Variants in ZSWIM6 observed in about 807,000 individuals in gnomAD.
ZSWIM6 encodes zinc finger SWIM-type containing 6.
A neutral mutation model predicts 113.2 loss-of-function variants in ZSWIM6; 9 were observed. The ratio of observed to expected loss-of-function variants is 0.08; its 90% CI spans 0.05 to 0.14. The LOEUF (loss-of-function observed/expected upper bound fraction) is 0.14, where lower values mean the gene tolerates loss of function less well. ZSWIM6 is among the 10% of genes least tolerant of loss of function. The probability of loss-of-function intolerance (pLI) is 1.00; values close to 1 mark genes in which losing one functional copy is unlikely to be tolerated. For missense variants in ZSWIM6, 1,162 were observed against 1,552.2 expected (o/e 0.75, Z 4.22); for synonymous variants, 611 against 606.5 (o/e 1.01, Z -0.11).
intron 1 of ZSWIM6, among the ~76,000 whole-genome samples, chr5:61,369,266 A>C (rs914434245): frequency 6.6e-6 from 1 of 152,226 alleles, no homozygotes; most frequent in Admixed American, 6.5e-5. Flanking sequence ...AATTTATCTT[A>C]TATAACATTT....
At chr5:61,459,646 A>G (rs1348645828) in intron 1 of ZSWIM6, among the ~76,000 whole-genome samples, 1 of 152,196 alleles carries the variant, frequency 6.6e-6, no homozygotes, top group Non-Finnish European at 1.5e-5. Flanking sequence ...TTCAGATTTC[A>G]TTTAACCTTG....
intron 10 of ZSWIM6, 95 bp downstream of exon 10, chr5:61,535,714 C>T: frequency 7.0e-7 from 1 of 1,433,468 alleles, no homozygotes. Context: ...TTCTTATAGG[C>T]AGCAGAAAAG....
chr5:61,444,455 A>G (rs1034532254), intron 1 of ZSWIM6, among the ~76,000 whole-genome samples: 10 of 152,164 alleles, frequency 6.6e-5, no homozygotes, highest in Non-Finnish European at 8.8e-5. Flanking sequence ...TCCTTTGGGT[A>G]TATACCCAGT....
intron 1 of ZSWIM6, among the ~76,000 whole-genome samples, chr5:61,371,777 A>T (rs1745268647): frequency 6.6e-6 from 1 of 152,228 alleles, no homozygotes. Context: ...TCATGTACTC[A>T]TCAGTTTCCT....
chr5:61,424,236 GTGTT>G (rs1453521189), intron 1 of ZSWIM6, among the ~76,000 whole-genome samples: 3 of 152,216 alleles, frequency 2.0e-5, no homozygotes, highest in Non-Finnish European at 4.4e-5. Context: ...AACTGCCTAA[GTGTT>G]TGAGGTGAGG....
At chr5:61,363,853 T>TTTCC (rs527955472) in intron 1 of ZSWIM6, among the ~76,000 whole-genome samples, 2,877 of 148,524 alleles carry the variant, frequency 0.019, 95 homozygotes, top group African/African-American at 0.064. Flanking sequence ...TCCCTTTCCT[T>TTTCC]TTCCTTCCTT....
intron 1 of ZSWIM6, among the ~76,000 whole-genome samples, chr5:61,388,531 T>C (rs1745638404): frequency 6.6e-6 from 1 of 152,234 alleles, no homozygotes; most frequent in Admixed American, 6.5e-5. Flanking sequence ...TAAAAAACCT[T>C]GAAAAGACTT....
chr5:61,540,869 A>T (rs1749708890), intron 12 of ZSWIM6, among the ~76,000 whole-genome samples: 1 of 150,970 alleles, frequency 6.6e-6, no homozygotes, highest in Non-Finnish European at 1.5e-5. Context: ...CCTAAAAAGG[A>T]ATCCCACAGG....
At chr5:61,349,798 G>GT (rs1744743350) in intron 1 of ZSWIM6, among the ~76,000 whole-genome samples, 1 of 152,126 alleles carries the variant, frequency 6.6e-6, no homozygotes, top group African/African-American at 2.4e-5. Context: ...AAATGCCTTT[G>GT]TGGGATTAAG....
At position 61,349,320 on chromosome 5, in the gene ZSWIM6, C is replaced by T. The variant is rs553113956; in HGVS notation, c.676+16372C>T. Among the ~76,000 whole-genome samples, 61 of 152,256 alleles carry T rather than the reference C, an allele frequency of 4.0e-4. No homozygotes were observed. In the South Asian group the frequency reaches 0.012, roughly 31 times the overall value. On this transcript the variant is annotated intron_variant, in intron 1 of 13. Coordinates refer to ENST00000252744, the MANE Select transcript of ZSWIM6 (RefSeq NM_020928.2). ...CTAGAACAGCCAACTACTGTATTAACAGTGCCAGTGCATTATATGCATAGT... is the reference window on the plus strand; with the variant it reads ...CTAGAACAGCCAACTACTGTATTAATAGTGCCAGTGCATTATATGCATAGT...
intron 1 of ZSWIM6, among the ~76,000 whole-genome samples, chr5:61,383,577 C>T (rs1404057513): frequency 6.6e-6 from 1 of 151,840 alleles, no homozygotes; most frequent in Non-Finnish European, 1.5e-5. Flanking sequence ...GCTCTGTTGC[C>T]CAGGCTGGAG....
chr5:61,526,714 T>A (rs2084070181), intron 7 of ZSWIM6, among the ~76,000 whole-genome samples: 1 of 152,216 alleles, frequency 6.6e-6, no homozygotes, highest in African/African-American at 2.4e-5. Flanking sequence ...CCTTATTTTG[T>A]GGAAGTGCAT....
At chr5:61,481,172 CAAAAT>C (rs1192170560) in intron 2 of ZSWIM6, among the ~76,000 whole-genome samples, 7 of 151,970 alleles carry the variant, frequency 4.6e-5, no homozygotes, top group African/African-American at 7.2e-5. Flanking sequence ...TGTTTTCCAG[CAAAAT>C]AAAATAAAAT....
chr5:61,492,381 T>A (rs545719860), intron 3 of ZSWIM6, among the ~76,000 whole-genome samples: 1 of 152,232 alleles, frequency 6.6e-6, no homozygotes, highest in Admixed American at 6.6e-5. Flanking sequence ...CCATATGAAG[T>A]AATAGCAACC....
chr5:61,527,530 G>A (rs1463089178), intron 7 of ZSWIM6, among the ~76,000 whole-genome samples: 1 of 152,198 alleles, frequency 6.6e-6, no homozygotes, highest in African/African-American at 2.4e-5. Flanking sequence ...ATTGGAATGT[G>A]AGAGCCCCGA....
chr5:61,356,104 G>T (rs1345814343), intron 1 of ZSWIM6, among the ~76,000 whole-genome samples: 1 of 152,162 alleles, frequency 6.6e-6, no homozygotes, highest in Non-Finnish European at 1.5e-5. Context: ...GTGTGTCTGT[G>T]TGTGTGTTTC....
At chr5:61,445,525 T>A (rs1392549807) in intron 1 of ZSWIM6, among the ~76,000 whole-genome samples, 1 of 152,172 alleles carries the variant, frequency 6.6e-6, no homozygotes, top group East Asian at 1.9e-4. Flanking sequence ...CATTGGAAAG[T>A]ACAAAGTCTC....
chr5:61,406,799 G>A (rs187112345), intron 1 of ZSWIM6, among the ~76,000 whole-genome samples: 1 of 152,020 alleles, frequency 6.6e-6, no homozygotes, highest in East Asian at 1.9e-4. Flanking sequence ...TGCAGCCTCT[G>A]CCTCCCGGGT....
intron 12 of ZSWIM6, 74 bp from the exon 13 acceptor site, chr5:61,541,810 T>C (rs1334588188): frequency 7.9e-7 from 1 of 1,271,108 alleles, no homozygotes; most frequent in Non-Finnish European, 1.1e-6. Context: ...ATATGCCTTA[T>C]AGTTTATCCC....
Sources: allele counts gnomAD v4.1 joint callset (sites outside exome capture counted in the v4.1 genomes callset), GRCh38; gene constraint gnomAD v4.1.1; transcripts MANE v1.5; gene names NCBI Gene and HGNC (gene_info 2026-07-23, HGNC 2026-07-21).